Variants in ATP8A1 observed in about 807,000 individuals in gnomAD.
ATP8A1 encodes the protein phospholipid-transporting ATPase IA.
ATP8A1 carries 90 observed loss-of-function variants against 177.7 expected under a neutral mutation model. The ratio of observed to expected loss-of-function variants is 0.51; its 90% CI spans 0.43 to 0.60. The LOEUF is 0.60. Among genes scored for constraint, ATP8A1 ranks in the 20% least tolerant of loss-of-function variants. ATP8A1 has a pLI of 0.00. For synonymous variants in ATP8A1, 493 were observed against 485.9 expected (o/e 1.01, Z -0.19); for missense variants, 1,072 against 1,392.8 (o/e 0.77, Z 3.67).
intron 25 of ATP8A1, among the ~76,000 whole-genome samples, chr4:42,466,278 G>A (rs966550769): frequency 6.6e-6 from 1 of 152,178 alleles, no homozygotes; most frequent in Non-Finnish European, 1.5e-5. Flanking sequence ...AGGTTATGTG[G>A]CATAGATGAC....
chr4:42,496,472 A>G (rs1027910061), intron 24 of ATP8A1, among the ~76,000 whole-genome samples: 1 of 152,170 alleles, frequency 6.6e-6, no homozygotes, highest in South Asian at 2.1e-4. Flanking sequence ...AGTCTCTCTC[A>G]TTACCTTCAA....
intron 21 of ATP8A1, 52 bp from the exon 22 acceptor site, chr4:42,522,351 G>A: frequency 1.3e-6 from 2 of 1,583,878 alleles, no homozygotes; most frequent in East Asian, 2.2e-5. Context: ...TTCTTCAGAA[G>A]TCTGAGGTTT....
chr4:42,542,819 CTCTT>C (rs1269648237), intron 20 of ATP8A1, among the ~76,000 whole-genome samples: 1 of 151,726 alleles, frequency 6.6e-6, no homozygotes, highest in African/African-American at 2.4e-5. Flanking sequence ...GTTAAAGTCT[CTCTT>C]TATTCCCTTA....
At chr4:42,465,582 T>A (rs1264588490) in intron 25 of ATP8A1, among the ~76,000 whole-genome samples, 2 of 152,224 alleles carry the variant, frequency 1.3e-5, no homozygotes, top group Non-Finnish European at 2.9e-5. Flanking sequence ...ATGGGCTTCA[T>A]TTTCTTCCAA....
chr4:42,477,496 C>G (rs765438845), intron 25 of ATP8A1, among the ~76,000 whole-genome samples: 3 of 152,150 alleles, frequency 2.0e-5, no homozygotes, highest in African/African-American at 4.8e-5. Flanking sequence ...CCCTCTCTTT[C>G]TCTCTCTCCC....
intron 4 of ATP8A1, among the ~76,000 whole-genome samples, chr4:42,618,701 G>A (rs905590433): frequency 3.9e-5 from 6 of 152,278 alleles, no homozygotes; most frequent in African/African-American, 1.2e-4. Flanking sequence ...TCCTTGCATG[G>A]AGCTTACATT....
At chr4:42,446,103 A>AAAAAAAAAAAAAAAAAAAC (rs1717210673) in intron 31 of ATP8A1, among the ~76,000 whole-genome samples, 1 of 107,880 alleles carries the variant, frequency 9.3e-6, no homozygotes, top group Non-Finnish European at 2.3e-5. Flanking sequence ...AAAAAAAGAG[A>AAAAAAAAAAAAAAAAAAAC]AGAGATATAG....
chr4:42,479,962 T>C (rs1232174659), intron 25 of ATP8A1, among the ~76,000 whole-genome samples: 1 of 150,176 alleles, frequency 6.7e-6, no homozygotes, highest in African/African-American at 2.4e-5. Flanking sequence ...ACGTGTTACC[T>C]ACCTCATTAG....
intron 25 of ATP8A1, among the ~76,000 whole-genome samples, chr4:42,477,341 G>A (rs1476372094): frequency 2.0e-5 from 3 of 152,200 alleles, no homozygotes; most frequent in Non-Finnish European, 4.4e-5. Context: ...GTAATACTAT[G>A]TATTGTTATT....
intron 1 of ATP8A1, among the ~76,000 whole-genome samples, chr4:42,645,269 A>G (rs1378216730): frequency 6.6e-6 from 1 of 152,232 alleles, no homozygotes; most frequent in African/African-American, 2.4e-5. Context: ...AATTAGTCCT[A>G]TTAGCTAACT....
At chr4:42,435,237 C>T (rs1010209649) in intron 33 of ATP8A1, among the ~76,000 whole-genome samples, 7 of 151,578 alleles carry the variant, frequency 4.6e-5, no homozygotes, top group African/African-American at 1.5e-4. Context: ...ACCAGCCTGG[C>T]CAACACGGCA....
chr4:42,453,763 C>T (rs886533997), intron 29 of ATP8A1, among the ~76,000 whole-genome samples: 4 of 152,140 alleles, frequency 2.6e-5, no homozygotes, highest in Non-Finnish European at 5.9e-5. Context: ...CTATGGTAGA[C>T]GAGGCCTGTG....
rs935855227 is a variant in ATP8A1 at position 42,544,061 on chromosome 4, A to G, written c.1653-75T>C. ...TGTATGTGTTTGTCATGCCTCACATATTTTGATATTCACAGTAAAAAAATA... is the reference window on the plus strand; with the variant it reads ...TGTATGTGTTTGTCATGCCTCACATGTTTTGATATTCACAGTAAAAAAATA... On this transcript the variant is annotated intron_variant, in intron 19 of 36. Coordinates refer to ENST00000381668, the MANE Select transcript of ATP8A1 (RefSeq NM_006095.2). 5.3e-5 allele frequency: 62 copies of G among 1,179,498 alleles called. No homozygotes were observed. In the African/African-American group the frequency reaches 9.2e-4, roughly 18 times the overall value. 73.1% of individuals were successfully genotyped at this position (1,179,498 alleles called of 1,614,324 possible). A position where few individuals can be genotyped will look rare whatever the true frequency, so the allele number is the denominator to read the frequency against.
At chr4:42,654,361 T>A (rs945959446) in intron 1 of ATP8A1, among the ~76,000 whole-genome samples, 2 of 152,140 alleles carry the variant, frequency 1.3e-5, no homozygotes, top group Non-Finnish European at 2.9e-5. Flanking sequence ...ATGACAGTCA[T>A]ACATCTGGCC....
At chr4:42,607,555 G>A (rs540572882) in intron 5 of ATP8A1, among the ~76,000 whole-genome samples, 1 of 151,256 alleles carries the variant, frequency 6.6e-6, no homozygotes, top group East Asian at 1.9e-4. Context: ...GAGAAAGCAA[G>A]AAACAATGCC....
chr4:42,416,711 A>T (rs928972302), intron 35 of ATP8A1, among the ~76,000 whole-genome samples: 1 of 152,126 alleles, frequency 6.6e-6, no homozygotes, highest in African/African-American at 2.4e-5. Flanking sequence ...CATCTCCTAT[A>T]TATCAGGAGG....
At chr4:42,468,672 G>A (rs1177142824) in intron 25 of ATP8A1, among the ~76,000 whole-genome samples, 1 of 152,168 alleles carries the variant, frequency 6.6e-6, no homozygotes, top group African/African-American at 2.4e-5. Context: ...TGGGGACTCA[G>A]GGGAAAGGGT....
chr4:42,574,579 A>C (rs759540512), intron 14 of ATP8A1, 40 bp downstream of exon 14: 14 of 1,490,042 alleles, frequency 9.4e-6, no homozygotes, highest in Non-Finnish European at 1.2e-5. Flanking sequence ...AGCACTAATT[A>C]AGCATGTATT....
At chr4:42,596,475 G>C (rs1419258284) in intron 6 of ATP8A1, among the ~76,000 whole-genome samples, 13 of 151,956 alleles carry the variant, frequency 8.6e-5, no homozygotes, top group African/African-American at 3.1e-4. Context: ...TTCAAGACCA[G>C]CCTGGCCAAT....
Sources: gnomAD v4.1 joint callset for allele counts (sites outside exome capture counted in the v4.1 genomes callset) on GRCh38, gnomAD v4.1.1 for gene constraint, MANE v1.5 for transcripts, NCBI Gene and HGNC (gene_info 2026-07-23, HGNC 2026-07-21) for gene names.